ADGRB3: variants seen among roughly 807,000 people sequenced by gnomAD.
ADGRB3 encodes brain-specific angiogenesis inhibitor 3.
In ADGRB3, 37 loss-of-function variants were observed where a neutral mutation model predicts 193.4. That is an observed-to-expected ratio of 0.19 (90% confidence interval 0.15 to 0.25). ADGRB3 has a LOEUF of 0.25. ADGRB3 is among the 10% of genes least tolerant of loss of function. The pLI is 1.00. For synonymous variants in ADGRB3, 690 were observed against 644.2 expected (o/e 1.07, Z -1.08); for missense variants, 1,637 against 1,852.9 (o/e 0.88, Z 2.14).
chr6:68,753,880 A>G (rs888322961), intron 3 of ADGRB3, among the ~76,000 whole-genome samples: 6 of 152,150 alleles, frequency 3.9e-5, no homozygotes, highest in Non-Finnish European at 2.9e-5. Flanking sequence ...GACTATTGAT[A>G]TGCAATTTTT....
At chr6:68,699,928 A>G (rs1765214827) in intron 3 of ADGRB3, among the ~76,000 whole-genome samples, 1 of 152,158 alleles carries the variant, frequency 6.6e-6, no homozygotes, top group Admixed American at 6.6e-5. Context: ...TCCTATTTTC[A>G]AAGACATCTT....
chr6:69,160,809 T>G (rs994537041), intron 17 of ADGRB3, among the ~76,000 whole-genome samples: 1 of 152,060 alleles, frequency 6.6e-6, no homozygotes, highest in African/African-American at 2.4e-5. Context: ...CTAGAGAGAG[T>G]AAAGAATAGT....
At chr6:69,278,543 T>C (rs1054489580) in intron 20 of ADGRB3, among the ~76,000 whole-genome samples, 1 of 152,214 alleles carries the variant, frequency 6.6e-6, no homozygotes, top group African/African-American at 2.4e-5. Context: ...ATGAATAGCA[T>C]TGATAGCTAA....
At chr6:68,694,396 T>A (rs1003874537) in intron 3 of ADGRB3, among the ~76,000 whole-genome samples, 1 of 152,008 alleles carries the variant, frequency 6.6e-6, no homozygotes, top group Non-Finnish European at 1.5e-5. Flanking sequence ...TAAGTGAATT[T>A]TTTTATATCC....
chr6:69,054,807 T>G (rs912854969), intron 15 of ADGRB3, among the ~76,000 whole-genome samples: 6 of 152,174 alleles, frequency 3.9e-5, no homozygotes, highest in Admixed American at 2.0e-4. Context: ...AACCCAATCC[T>G]ACTTTGTAGC....
chr6:69,106,307 C>G (rs1358986015), intron 17 of ADGRB3, among the ~76,000 whole-genome samples: 1 of 151,934 alleles, frequency 6.6e-6, no homozygotes, highest in Non-Finnish European at 1.5e-5. Flanking sequence ...GCATGCCTGT[C>G]CATTCCAACC....
chr6:69,146,935 G>A (rs943226202), intron 17 of ADGRB3, among the ~76,000 whole-genome samples: 5 of 144,004 alleles, frequency 3.5e-5, no homozygotes, highest in African/African-American at 1.0e-4. Context: ...TTGCCAATTC[G>A]TTCATATATA....
chr6:69,054,430 C>T (rs149448585), intron 15 of ADGRB3, among the ~76,000 whole-genome samples: 1 of 152,168 alleles, frequency 6.6e-6, no homozygotes, highest in East Asian at 1.9e-4. Flanking sequence ...AGCAATCAAC[C>T]TGAAGCAGTC....
chr6:69,174,900 G>A (rs767761253), intron 17 of ADGRB3, among the ~76,000 whole-genome samples: 10 of 152,248 alleles, frequency 6.6e-5, no homozygotes, highest in African/African-American at 1.4e-4. Context: ...CTTGTGTGTC[G>A]TGTCTTCTTT....
chr6:68,762,956 T>G (rs1484064180), intron 3 of ADGRB3, among the ~76,000 whole-genome samples: 1 of 152,236 alleles, frequency 6.6e-6, no homozygotes, highest in Non-Finnish European at 1.5e-5. Context: ...ATTTAAAACT[T>G]AGCCTGACTC....
chr6:69,333,854 T>C (rs988822199), intron 24 of ADGRB3, among the ~76,000 whole-genome samples: 3 of 150,280 alleles, frequency 2.0e-5, no homozygotes, highest in Admixed American at 6.6e-5. Flanking sequence ...GGCGTGAACC[T>C]GGGAGGCGGA....
At chr6:68,959,432 T>G (rs1309351677) in intron 8 of ADGRB3, among the ~76,000 whole-genome samples, 1 of 152,164 alleles carries the variant, frequency 6.6e-6, no homozygotes, top group African/African-American at 2.4e-5. Flanking sequence ...TTTCTTCAAG[T>G]TGCTGAAAAC....
chr6:69,282,944 T>C (rs1767466880), intron 20 of ADGRB3, among the ~76,000 whole-genome samples: 2 of 152,044 alleles, frequency 1.3e-5, no homozygotes, highest in South Asian at 4.1e-4. Flanking sequence ...AGTGTGAGAA[T>C]AGATCAAGGA....
intron 19 of ADGRB3, 79 bp downstream of exon 19, chr6:69,235,214 T>C: frequency 9.3e-7 from 1 of 1,076,746 alleles, no homozygotes; most frequent in Non-Finnish European, 1.4e-6. Context: ...AATTATTAAA[T>C]GTCTCCTGTC....
At chr6:68,695,365 T>C (rs1750145005) in intron 3 of ADGRB3, among the ~76,000 whole-genome samples, 1 of 152,042 alleles carries the variant, frequency 6.6e-6, no homozygotes, top group Non-Finnish European at 1.5e-5. Flanking sequence ...AAAAAAATTG[T>C]CCCTCCTTCT....
intron 11 of ADGRB3, among the ~76,000 whole-genome samples, chr6:69,005,891 G>A (rs1769735246): frequency 6.6e-6 from 1 of 152,106 alleles, no homozygotes; most frequent in African/African-American, 2.4e-5. Context: ...TCTGAAACCT[G>A]CTAGATGGCA....
At chr6:68,854,825 A>G (rs1459485459) in intron 3 of ADGRB3, among the ~76,000 whole-genome samples, 3 of 152,080 alleles carry the variant, frequency 2.0e-5, no homozygotes, top group African/African-American at 7.2e-5. Context: ...GCCACAGTCT[A>G]TCCACCTTGG....
At chr6:69,249,260 G>A (rs181283585) in intron 20 of ADGRB3, among the ~76,000 whole-genome samples, 69 of 152,320 alleles carry the variant, frequency 4.5e-4, no homozygotes, top group African/African-American at 1.5e-3. Context: ...ACAGGCATGA[G>A]CCACGGCGCC....
At chr6:69,003,041 A>G (rs1468064046) in intron 11 of ADGRB3, among the ~76,000 whole-genome samples, 3 of 152,200 alleles carry the variant, frequency 2.0e-5, no homozygotes, top group Non-Finnish European at 4.4e-5. Flanking sequence ...CAACCACTCT[A>G]TGCCTCAATT....
Sources: allele counts gnomAD v4.1 joint callset (sites outside exome capture counted in the v4.1 genomes callset), GRCh38; gene constraint gnomAD v4.1.1; transcripts MANE v1.5; gene names NCBI Gene and HGNC (gene_info 2026-07-23, HGNC 2026-07-21).